The following PPARG variants were observed in gnomAD, a reference collection of about 807,000 sequenced individuals.
PPARG encodes peroxisome proliferator-activated receptor gamma.
PPARG carries 17 observed loss-of-function variants against 39.2 expected under a neutral mutation model. The ratio of observed to expected loss-of-function variants is 0.43; its 90% confidence interval spans 0.30 to 0.65. The LOEUF is 0.65. Among genes scored for constraint, PPARG ranks in the 30% least tolerant of loss-of-function variants. The probability of loss-of-function intolerance (pLI) is 0.13; values close to 1 mark genes in which losing one functional copy is unlikely to be tolerated. For synonymous variants in PPARG, 223 were observed against 215.7 expected, an observed-to-expected ratio of 1.03 and a Z score of -0.30; for missense variants, 406 against 585.9, an observed-to-expected ratio of 0.69 and a Z score of 3.17.
intron 6 of PPARG, among the ~76,000 whole-genome samples, chr3:12,414,700 A>G (rs545435560): frequency 2.0e-5 from 3 of 152,150 alleles, no homozygotes; most frequent in Admixed American, 6.5e-5. Flanking sequence ...TAATCCTGAA[A>G]AGAAAAAAAG....
intron 2 of PPARG, among the ~76,000 whole-genome samples, chr3:12,350,159 C>T (rs1412746535): frequency 6.6e-6 from 1 of 152,134 alleles, no homozygotes; most frequent in Non-Finnish European, 1.5e-5. Flanking sequence ...ATTGAGAATT[C>T]AACTGAATAT....
chr3:12,392,747 A>G lies in PPARG; in HGVS notation c.524A>G (p.His175Arg), dbSNP rs1325850074. 1.2e-6 allele frequency: 2 copies of G among 1,613,810 alleles called. No homozygotes were observed. ...AAATGCCTTGCAGTGGGGATGTCTC[A>G]TAATGGTAAGTAAACAGTCATCACC... ...FQKCLAVGMS[H>R]NAIRFGRMPQ... Residue 175 changes from histidine (H) to arginine (R), a missense_variant, in exon 5 of 8, where the codon CAT becomes CGT. His to Arg is a conservative substitution (Grantham distance 29, BLOSUM62 0). Transcript: ENST00000651735.
intron 7 of PPARG, among the ~76,000 whole-genome samples, chr3:12,423,332 G>A (rs535190680): frequency 4.6e-4 from 70 of 152,298 alleles, no homozygotes; most frequent in African/African-American, 1.6e-3. Flanking sequence ...CAGCTGTCAC[G>A]GCAGAACACT....
At chr3:12,327,438 T>G (rs2047726579) in intron 2 of PPARG, among the ~76,000 whole-genome samples, 1 of 152,172 alleles carries the variant, frequency 6.6e-6, no homozygotes, top group African/African-American at 2.4e-5. Flanking sequence ...AACAGAATCT[T>G]TATTATGAGT....
At chr3:12,352,886 A>G (rs1201182092) in intron 2 of PPARG, among the ~76,000 whole-genome samples, 1 of 152,228 alleles carries the variant, frequency 6.6e-6, no homozygotes, top group Non-Finnish European at 1.5e-5. Flanking sequence ...TCTGCAAGCC[A>G]TAAAAATTGT....
At chr3:12,322,620 T>TTTAA (rs764732954) in intron 2 of PPARG, among the ~76,000 whole-genome samples, 5 of 152,122 alleles carry the variant, frequency 3.3e-5, no homozygotes, top group Non-Finnish European at 7.4e-5. Flanking sequence ...AGCTGGAAAT[T>TTTAA]TTAAACATGA....
chr3:12,364,107 T>C (rs1041490682), intron 2 of PPARG, among the ~76,000 whole-genome samples: 1 of 152,138 alleles, frequency 6.6e-6, no homozygotes. Flanking sequence ...CTCTTCGTGT[T>C]ATATTCTCTG....
At chr3:12,420,116 G>A (rs709156) in intron 7 of PPARG, among the ~76,000 whole-genome samples, 36,619 of 152,098 alleles carry the variant, frequency 0.24, 4,985 homozygotes, top group Non-Finnish European at 0.3. Flanking sequence ...ATATGTGTAC[G>A]TTCATAGCAG....
chr3:12,423,544 G>C (rs1285653879), intron 7 of PPARG, among the ~76,000 whole-genome samples: 1 of 152,218 alleles, frequency 6.6e-6, no homozygotes, highest in Non-Finnish European at 1.5e-5. Flanking sequence ...TGCTTTCCTG[G>C]AGGAAACTCC....
In PPARG at chr3:12,290,037, T is replaced by C. The variant is rs17036183; in HGVS notation, c.-83+903T>C. Among the ~76,000 whole-genome samples, 985 of 152,314 alleles carry C rather than the reference T, an allele frequency of 6.5e-3. 12 individuals are homozygous for C. Among genetic ancestry groups the C allele is most frequent in the African/African-American group, 0.022 (901 of 41,582 alleles). ...TGTCCATTTTTGTCTTCTTGTGTACTTCACATAATTTTTCTCCCTGATTTA... is the reference window on the plus strand; with the variant it reads ...TGTCCATTTTTGTCTTCTTGTGTACCTCACATAATTTTTCTCCCTGATTTA... On this transcript the variant is annotated intron_variant, in intron 1 of 7. Transcript: ENST00000651735.
chr3:12,316,919 C>T (rs962751187), intron 2 of PPARG, among the ~76,000 whole-genome samples: 4 of 151,884 alleles, frequency 2.6e-5, no homozygotes, highest in East Asian at 3.9e-4. Context: ...AGAAAAGCCC[C>T]GTAAGAAATA....
chr3:12,350,504 G>T (rs1055450501), intron 2 of PPARG, among the ~76,000 whole-genome samples: 2 of 152,190 alleles, frequency 1.3e-5, no homozygotes, highest in Non-Finnish European at 2.9e-5. Flanking sequence ...ACTGCCCTGT[G>T]TGGGGGCGTC....
At chr3:12,326,131 A>C (rs1179082766) in intron 2 of PPARG, among the ~76,000 whole-genome samples, 2 of 152,214 alleles carry the variant, frequency 1.3e-5, no homozygotes, top group Non-Finnish European at 2.9e-5. Context: ...TAAAGGTTAC[A>C]AAATGTCACC....
intron 1 of PPARG, among the ~76,000 whole-genome samples, chr3:12,310,589 A>G (rs1156517790): frequency 1.8e-5 from 2 of 114,282 alleles, no homozygotes; most frequent in Non-Finnish European, 3.6e-5. Flanking sequence ...TCAGCCTCCC[A>G]AGTAGCTGGG....
chr3:12,296,254 CA>C (rs545210244), intron 1 of PPARG, among the ~76,000 whole-genome samples: 1,039 of 48,600 alleles, frequency 0.021, 9 homozygotes, highest in Non-Finnish European at 0.028. Context: ...CACTTTGTCT[CA>C]AAAAAAAAAA....
chr3:12,289,583 A>T (rs553976048), intron 1 of PPARG, among the ~76,000 whole-genome samples: 1 of 152,330 alleles, frequency 6.6e-6, no homozygotes, highest in African/African-American at 2.4e-5. Flanking sequence ...TTAACTCTTT[A>T]AAAGGACCTG....
intron 2 of PPARG, among the ~76,000 whole-genome samples, chr3:12,349,932 T>C (rs2048432869): frequency 6.6e-6 from 1 of 152,160 alleles, no homozygotes. Context: ...AAAAAGAGAA[T>C]AGAAGTAACA....
chr3:12,384,232 A>T (rs1207043894), intron 4 of PPARG, among the ~76,000 whole-genome samples: 1 of 152,168 alleles, frequency 6.6e-6, no homozygotes, highest in Non-Finnish European at 1.5e-5. Context: ...TTTGATATGC[A>T]GTCTTTCAAA....
At chr3:12,375,271 G>A (rs1447073688) in intron 2 of PPARG, among the ~76,000 whole-genome samples, 1 of 150,876 alleles carries the variant, frequency 6.6e-6, no homozygotes, top group East Asian at 2.0e-4. Context: ...AGAGAGAGAG[G>A]AAAGAAAGCA....
Sources: gnomAD v4.1 joint callset for allele counts (sites outside exome capture counted in the v4.1 genomes callset) on GRCh38, gnomAD v4.1.1 for gene constraint, MANE v1.5 for transcripts, NCBI Gene and HGNC (gene_info 2026-07-23, HGNC 2026-07-21) for gene names.